Variants in WSB1 observed in about 807,000 individuals in gnomAD.
WSB1 encodes WD repeat and SOCS box-containing protein 1.
WSB1 carries 23 observed loss-of-function variants against 50.2 expected under a neutral mutation model. The observed-to-expected ratio is 0.46, with a 90% confidence interval of 0.33 to 0.65. The LOEUF (loss-of-function observed/expected upper bound fraction) is 0.65. WSB1 is among the 30% of genes least tolerant of loss of function. The pLI is 0.02. For synonymous variants in WSB1, 179 were observed against 172.0 expected, an observed-to-expected ratio of 1.04 and a Z score of -0.32; for missense variants, 492 against 522.3, an observed-to-expected ratio of 0.94 and a Z score of 0.56.
At chr17:27,297,924 A>G (rs1288086853) in intron 1 of WSB1, among the ~76,000 whole-genome samples, 1 of 151,978 alleles carries the variant, frequency 6.6e-6, no homozygotes, top group Non-Finnish European at 1.5e-5. Context: ...CCTGGCCAAC[A>G]TGGTGAAACT....
intron 1 of WSB1, among the ~76,000 whole-genome samples, chr17:27,298,217 C>T (rs1182662706): frequency 6.7e-6 from 1 of 149,704 alleles, no homozygotes; most frequent in Non-Finnish European, 1.5e-5. Flanking sequence ...GTCTCATTTA[C>T]TAGATGTTCT....
At chr17:27,297,576 T>C (rs1286722635) in intron 1 of WSB1, among the ~76,000 whole-genome samples, 1 of 151,950 alleles carries the variant, frequency 6.6e-6, no homozygotes, top group Non-Finnish European at 1.5e-5. Flanking sequence ...CAAGCAATTC[T>C]CCCACCTCAG....
At chr17:27,311,431 ATTTC>A in intron 7 of WSB1, 74 bp from the exon 8 acceptor site, 6 of 1,132,892 alleles carry the variant, frequency 5.3e-6, no homozygotes, top group Non-Finnish European at 7.6e-6. Flanking sequence ...ACTCAATGGC[ATTTC>A]TTTCTAAATT....
chr17:27,312,255 C>G lies in WSB1; in HGVS notation c.1152C>G (p.Val384=). Residue 384 remains valine, a synonymous_variant, in exon 9 of 9, where the codon GTC becomes GTG. Transcript: ENST00000262394. Reference sequence around the variant, plus strand: ...ATTTTTGGGCCACTCCACGGCAGGTCCCTAGCCTGCAACATTTATGTCGCA... The same window carrying G: ...ATTTTTGGGCCACTCCACGGCAGGTGCCTAGCCTGCAACATTTATGTCGCA... ...SVYFWATPRQ[V]PSLQHLCRMS... 6.2e-7 allele frequency: 1 copy of G among 1,614,112 alleles called. No homozygotes were observed. Among genetic ancestry groups the G allele is most frequent in the Non-Finnish European group, 8.5e-7 (1 of 1,180,020 alleles).
At position 27,311,622 on chromosome 17, in the gene WSB1, T is replaced by C; in HGVS notation, c.1106+6T>C. 7.3e-7 allele frequency: 1 copy of C among 1,371,372 alleles called. No homozygotes were observed. Among genetic ancestry groups the C allele is most frequent in the Admixed American group, 2.2e-5 (1 of 45,616 alleles). The allele number at this position is 1,371,372 out of a possible 1,614,324, so 85.0% of individuals were successfully genotyped here. A position where few individuals can be genotyped will look rare whatever the true frequency, so the allele number is the denominator to read the frequency against. ...GGCAGTGTTTTAGCTGCTGGGTAAA[T>C]ATATTTTTCTCTTTTTTTTTTTTTT... On this transcript the variant is annotated splice_donor_region_variant and intron_variant, in intron 8 of 8. Transcript: ENST00000262394.
Position 27,304,901 on chromosome 17 carries a change from G to A in WSB1, c.600G>A (p.Leu200=), listed in dbSNP as rs565772295. 6.2e-7 allele frequency: 1 copy of A among 1,613,934 alleles called. No homozygotes were observed. The highest frequency in any genetic ancestry group is 1.3e-5 in the African/African-American group (1 of 75,028). The change falls in exon 4 of 9, where the codon CTG becomes CTA. Residue 200 remains leucine, a synonymous_variant. Transcript: ENST00000262394. The part of the protein sequence containing the change: ...SRDKTLRVWD[L]KDDGNMMKVL... ...ACAAAACTCTCAGAGTATGGGACCT[G>A]AAAGATGATGGTATGTCTTTTTTCC... is the stretch of plus-strand genomic sequence containing the variant.
intron 3 of WSB1, among the ~76,000 whole-genome samples, 183 bp from the exon 4 acceptor site, chr17:27,304,597 A>AACT (rs2017370472): frequency 6.7e-6 from 1 of 150,012 alleles, no homozygotes; most frequent in Non-Finnish European, 1.5e-5. Context: ...CTGTAGTTCC[A>AACT]ACTATTTCGG....
In WSB1 at chr17:27,304,831, C is replaced by G. The variant is rs760640686; in HGVS notation, c.530C>G (p.Thr177Ser). Reference sequence around the variant, plus strand: ...CATACTGAAGTGGTCAGAGATTTAACTTTTGCTCCAGATGGAAGCTTGATC... The same window carrying G: ...CATACTGAAGTGGTCAGAGATTTAAGTTTTGCTCCAGATGGAAGCTTGATC... Reference protein sequence around the residue: ...VDHTEVVRDLTFAPDGSLILV... With the variant: ...VDHTEVVRDLSFAPDGSLILV... Residue 177 changes from threonine (T) to serine (S), a missense_variant, in exon 4 of 9, where the codon ACT becomes AGT. Transcript: ENST00000262394. 1 of 1,613,964 alleles carries G rather than the reference C, an allele frequency of 6.2e-7. No individual in the cohort carries two copies. The highest frequency in any genetic ancestry group is 2.2e-5 in the East Asian group (1 of 44,854).
intron 3 of WSB1, 200 bp downstream of exon 3, chr17:27,303,835 C>T (rs562312710): frequency 3.3e-6 from 2 of 610,262 alleles, no homozygotes; most frequent in Admixed American, 3.2e-5. Context: ...GTTCATATTG[C>T]TTCATCACTC....
Position 27,303,524 on chromosome 17 carries a change from CAG to C in WSB1, c.370_371del (p.Arg125LeufsTer40), listed in dbSNP as rs1567687295. The C allele has an allele frequency of 3.1e-6, 5 of 1,614,132 alleles. No homozygotes were observed. The highest frequency in any genetic ancestry group is 2.2e-5 in the East Asian group (1 of 44,868). ...LAFGSSVPEKQSRCVNIEWHR... is the reference protein window; with the variant it reads ...LAFGSSVPEKXSRCVNIEWHR... ...TTTTGGGTCATCAGTTCCAGAAAAA[CAG>C]AGTCGCTGTGTAAATATAGAATGGC... is the stretch of plus-strand genomic sequence containing the variant. On this transcript the variant is annotated frameshift_variant, in exon 3 of 9. Coordinates refer to ENST00000262394, the MANE Select transcript of WSB1 (RefSeq NM_015626.10). LOFTEE classifies it high-confidence loss of function.
chr17:27,296,257 T>TC (rs1414065953), intron 1 of WSB1, among the ~76,000 whole-genome samples: 1 of 151,906 alleles, frequency 6.6e-6, no homozygotes, highest in Non-Finnish European at 1.5e-5. Flanking sequence ...TTTTTTTTTT[T>TC]CATATTTAGG....
chr17:27,312,140 T>C (rs2150845116), intron 8 of WSB1, 70 bp from the exon 9 acceptor site: 1 of 1,535,242 alleles, frequency 6.5e-7, no homozygotes, highest in Non-Finnish European at 8.7e-7. Flanking sequence ...TGGGTGATAG[T>C]TGTTTGAGCT....
Position 27,306,785 on chromosome 17 carries a change from A to G in WSB1, c.614A>G (p.Asn205Ser). The part of the protein sequence containing the change: ...LRVWDLKDDG[N>S]MMKVLRGHQN... ...CAGATTATTTCTTTTTGTTCAGGAA[A>G]CATGATGAAAGTATTGAGGGGGCAT... The change falls in exon 5 of 9, where the codon AAC becomes AGC. Residue 205 changes from asparagine (N) to serine (S), a missense_variant. Physicochemically the swap from Asn to Ser is conservative, Grantham distance 46. Coordinates refer to ENST00000262394, the MANE Select transcript of WSB1 (RefSeq NM_015626.10). 1 of 1,614,018 alleles carries G rather than the reference A, an allele frequency of 6.2e-7. No homozygotes were observed. Among genetic ancestry groups the G allele is most frequent in the Non-Finnish European group, 8.5e-7 (1 of 1,179,972 alleles).
intron 1 of WSB1, among the ~76,000 whole-genome samples, chr17:27,296,291 G>A (rs1273998401): frequency 6.7e-6 from 1 of 148,708 alleles, no homozygotes; most frequent in Non-Finnish European, 1.5e-5. Flanking sequence ...TCCTGGATAC[G>A]TTATAAAAAC....
chr17:27,294,234 T>C lies in WSB1; in HGVS notation c.-162T>C. ...TTTGGTCTGAGGCCTTCGGGAGCTT[T>C]CCCGAGGCAGTTAGCAGAAGCCGCA... is the stretch of plus-strand genomic sequence containing the variant. On this transcript the variant is annotated 5_prime_UTR_variant, in exon 1 of 9. Coordinates refer to ENST00000262394, the MANE Select transcript of WSB1 (RefSeq NM_015626.10). The C allele has an allele frequency of 3.2e-6, 3 of 930,818 alleles. No individual in the cohort carries two copies. Among genetic ancestry groups the C allele is most frequent in the East Asian group, 2.6e-5 (1 of 38,456 alleles). 57.7% of individuals were successfully genotyped at this position (930,818 alleles called of 1,614,324 possible).
intron 4 of WSB1, 146 bp downstream of exon 4, chr17:27,305,057 T>G: frequency 1.0e-6 from 1 of 966,304 alleles, no homozygotes; most frequent in East Asian, 2.5e-5. Context: ...GTTCCTTTCC[T>G]GAATAGATCA....
In WSB1 at chr17:27,306,202, C is replaced by CTTTTTTT. The variant is rs907711059; in HGVS notation, c.611-558_611-552dup. 6.7e-4 allele frequency among the ~76,000 whole-genome samples: 42 copies of CTTTTTTT among 63,140 alleles called. 3 individuals carry two copies. The highest frequency in any genetic ancestry group is 9.0e-4 in the Non-Finnish European group (30 of 33,366). 41.4% of individuals were successfully genotyped at this position (63,140 alleles called of 152,430 possible). On this transcript the variant is annotated intron_variant, in intron 4 of 8. Coordinates refer to ENST00000262394, the MANE Select transcript of WSB1 (RefSeq NM_015626.10). Reference sequence around the variant, plus strand: ...GGGGATTGGACTAAAAGAATTCTGTCTTTTTTTTTTTTTTTTTTTTTTTTT... The same window carrying CTTTTTTT: ...GGGGATTGGACTAAAAGAATTCTGTCTTTTTTTTTTTTTTTTTTTTTTTTTTTTTTTT...
At chr17:27,300,344 A>G (rs2017175521) in intron 1 of WSB1, among the ~76,000 whole-genome samples, 1 of 152,244 alleles carries the variant, frequency 6.6e-6, no homozygotes, top group Admixed American at 6.5e-5. Context: ...CAAAATAGGT[A>G]ATAGGGAAAA....
chr17:27,309,356 A>C (rs1262750937), intron 6 of WSB1, 84 bp downstream of exon 6: 4 of 1,158,836 alleles, frequency 3.5e-6, no homozygotes, highest in Non-Finnish European at 4.8e-6. Context: ...CAATATATGC[A>C]ACCTAAAATT....
Sources: gnomAD v4.1 joint callset for allele counts (sites outside exome capture counted in the v4.1 genomes callset) on GRCh38, gnomAD v4.1.1 for gene constraint, MANE v1.5 for transcripts, NCBI Gene and HGNC (gene_info 2026-07-23, HGNC 2026-07-21) for gene names.